Variants in MEIOB observed in about 807,000 individuals in gnomAD.
The protein encoded by MEIOB is meiosis specific with OB-fold.
MEIOB carries 50 observed loss-of-function variants against 53.1 expected under a neutral mutation model. The ratio of observed to expected loss-of-function variants is 0.94; its 90% CI spans 0.75 to 1.19. MEIOB has a LOEUF of 1.19. Ranked by LOEUF, MEIOB falls within the 50% of genes most tolerant of loss-of-function variation. The pLI, the probability that MEIOB is intolerant of heterozygous loss-of-function variation, is 0.00. For synonymous variants in MEIOB, 192 were observed against 182.5 expected (o/e 1.05, Z -0.42); for missense variants, 551 against 550.8 (o/e 1.00, Z 0.00).
chr16:1,841,578 T>G (rs1229630194), intron 11 of MEIOB, among the ~76,000 whole-genome samples: 1 of 152,222 alleles, frequency 6.6e-6, no homozygotes, highest in Non-Finnish European at 1.5e-5. Flanking sequence ...GTCAAAAGTT[T>G]CTCACATTAT....
intron 12 of MEIOB, 133 bp downstream of exon 12, chr16:1,839,122 A>G: frequency 9.6e-7 from 1 of 1,040,142 alleles, no homozygotes; most frequent in Non-Finnish European, 1.3e-6. Context: ...GTTTAAAGCA[A>G]GATGATTTTT....
chr16:1,864,803 A>G (rs1899544132), intron 3 of MEIOB, among the ~76,000 whole-genome samples: 1 of 152,096 alleles, frequency 6.6e-6, no homozygotes, highest in Admixed American at 6.5e-5. Flanking sequence ...CGTGTATTTC[A>G]TTTTTATAAT....
chr16:1,846,281 T>TG (rs1899024330), intron 9 of MEIOB, among the ~76,000 whole-genome samples: 1 of 152,098 alleles, frequency 6.6e-6, no homozygotes, highest in Admixed American at 6.6e-5. Flanking sequence ...CTTCCTGTGA[T>TG]GGGGGCTGGC....
chr16:1,856,779 T>C (rs1185017213), intron 6 of MEIOB, among the ~76,000 whole-genome samples: 1 of 98,094 alleles, frequency 1.0e-5, no homozygotes, highest in African/African-American at 4.1e-5. Context: ...TTTTTTTTTT[T>C]TTGAGACAGG....
rs758785622 is a variant in MEIOB, at chr16:1,862,091, G to T, written c.153C>A (p.Phe51Leu). The T allele has an allele frequency of 7.9e-5, 122 of 1,551,152 alleles. No individual in the cohort carries two copies. The highest frequency in any genetic ancestry group is 1.1e-4 in the Non-Finnish European group (121 of 1,146,678). ...CTGGTGAATCCCGAATGGTGAAGCT[G>T]AAAGTGTACCTTTCTGATCCAATAT... ...RKNIGSERYT[F>L]SFTIRDSPAH... The change falls in exon 4 of 14, where the codon TTC (phenylalanine) becomes TTA (leucine). Residue 51 changes from phenylalanine (F) to leucine (L), a missense_variant. Physicochemically the swap from Phe to Leu is conservative, Grantham distance 22. Transcript: ENST00000325962.
At position 1,862,399 on chromosome 16, in the gene MEIOB, A is replaced by C. The variant is rs185805662; in HGVS notation, c.128-283T>G. On this transcript the variant is annotated intron_variant, in intron 3 of 13. Transcript: ENST00000325962. The stretch of plus-strand genomic sequence containing the variant: ...GTGATCTGTGTATTTGGAGGGAAAA[A>C]CATGTAAACTTGAGCCATCCAGGTA... 2.3e-3 allele frequency among the ~76,000 whole-genome samples: 346 copies of C among 152,242 alleles called. 1 individual carries two copies. Among genetic ancestry groups the C allele is most frequent in the African/African-American group, 7.9e-3 (326 of 41,528 alleles).
At chr16:1,852,617 G>C (rs539782768) in intron 9 of MEIOB, among the ~76,000 whole-genome samples, 2 of 150,752 alleles carry the variant, frequency 1.3e-5, no homozygotes, top group African/African-American at 4.9e-5. Flanking sequence ...GTACAATGGC[G>C]CGATTTCAGC....
chr16:1,838,072 C>A, intron 12 of MEIOB: 1 of 1,003,872 alleles, frequency 1.0e-6, no homozygotes, highest in Non-Finnish European at 1.4e-6. Flanking sequence ...TCACAGCTCA[C>A]TGCAGCCTCG....
At chr16:1,842,339 G>A (rs561012288) in intron 10 of MEIOB, among the ~76,000 whole-genome samples, 1 of 151,726 alleles carries the variant, frequency 6.6e-6, no homozygotes, top group African/African-American at 2.4e-5. Flanking sequence ...ACTCAGCTGG[G>A]CACAGTGGCT....
At chr16:1,841,519 T>C (rs1424997791) in intron 11 of MEIOB, among the ~76,000 whole-genome samples, 1 of 152,188 alleles carries the variant, frequency 6.6e-6, no homozygotes, top group African/African-American at 2.4e-5. Context: ...TACATTGCTA[T>C]AGGGCCTAGC....
At chr16:1,859,586 AG>A (rs1337753851) in intron 5 of MEIOB, among the ~76,000 whole-genome samples, 1 of 152,198 alleles carries the variant, frequency 6.6e-6, no homozygotes. Flanking sequence ...AAACGTTCTT[AG>A]TGCAGAATGA....
intron 10 of MEIOB, among the ~76,000 whole-genome samples, chr16:1,843,817 CTA>C (rs149851523): frequency 0.18 from 27,023 of 151,918 alleles, 2,536 homozygotes; most frequent in South Asian, 0.27. Flanking sequence ...AGACAATAAC[CTA>C]TTATTCATTT....
intron 13 of MEIOB, among the ~76,000 whole-genome samples, chr16:1,835,084 G>C (rs1476130321): frequency 6.6e-6 from 1 of 152,128 alleles, no homozygotes; most frequent in East Asian, 1.9e-4. Context: ...GTGAAACCCT[G>C]TCTCTACTAA....
At chr16:1,855,150 G>A (rs1246195273) in intron 6 of MEIOB, among the ~76,000 whole-genome samples, 4 of 152,206 alleles carry the variant, frequency 2.6e-5, no homozygotes, top group Admixed American at 6.5e-5. Context: ...AGTGTGAAGA[G>A]TGGCCGGGAG....
At chr16:1,842,966 T>C (rs1472771512) in intron 10 of MEIOB, among the ~76,000 whole-genome samples, 1 of 112,458 alleles carries the variant, frequency 8.9e-6, no homozygotes, top group Non-Finnish European at 1.8e-5. Context: ...CCGGCGACAC[T>C]GACTCAATTT....
chr16:1,853,711 C>T (rs892608320), intron 7 of MEIOB, among the ~76,000 whole-genome samples: 1 of 152,158 alleles, frequency 6.6e-6, no homozygotes, highest in Admixed American at 6.5e-5. Context: ...CTTGTTGTAC[C>T]TGGCAGTGCT....
In MEIOB at chr16:1,853,084, T is replaced by C. The variant is rs747451643; in HGVS notation, c.733A>G (p.Met245Val). Residue 245 changes from methionine to valine, a missense_variant, in exon 9 of 14, where the codon ATG becomes GTG. Physicochemically the swap from Met to Val is conservative, Grantham distance 21 (BLOSUM62 1). Coordinates refer to ENST00000325962, the MANE Select transcript of MEIOB (RefSeq NM_001163560.3). Reference sequence around the variant, plus strand: ...GTTTTTGAGATTACAGTTGCTGTCATGCAGTTCCGAAATTTGTCAAAATTT... The same window carrying C: ...GTTTTTGAGATTACAGTTGCTGTCACGCAGTTCCGAAATTTGTCAAAATTT... ...RINFDKFRNC[M>V]TATVISKTII... 1.2e-6 allele frequency: 2 copies of C among 1,613,182 alleles called. No individual in the cohort carries two copies. The highest frequency in any genetic ancestry group is 1.7e-6 in the Non-Finnish European group (2 of 1,179,368).
intron 9 of MEIOB, among the ~76,000 whole-genome samples, chr16:1,847,446 A>G (rs1899053747): frequency 6.6e-6 from 1 of 152,010 alleles, no homozygotes. Flanking sequence ...TAGGTGACAC[A>G]GCAAGACTCC....
At chr16:1,868,630 C>T (rs571965718) in intron 1 of MEIOB, among the ~76,000 whole-genome samples, 10 of 152,130 alleles carry the variant, frequency 6.6e-5, no homozygotes, top group Admixed American at 1.3e-4. Flanking sequence ...CCGAGGAGGG[C>T]GGATCACAGG....
Sources: gnomAD v4.1 joint callset for allele counts (sites outside exome capture counted in the v4.1 genomes callset) on GRCh38, gnomAD v4.1.1 for gene constraint, MANE v1.5 for transcripts, NCBI Gene and HGNC (gene_info 2026-07-23, HGNC 2026-07-21) for gene names.